Variants in SRGAP1 observed in about 807,000 individuals in gnomAD.
SRGAP1 encodes the protein SLIT-ROBO Rho GTPase activating protein 1, also known as SLIT-ROBO Rho GTPase-activating protein 1.
SRGAP1 carries 43 observed loss-of-function variants against 121.9 expected under a neutral mutation model. The observed-to-expected ratio is 0.35, with a 90% CI of 0.28 to 0.46. The LOEUF (loss-of-function observed/expected upper bound fraction) is 0.46, where lower values mean the gene tolerates loss of function less well. SRGAP1 is among the 20% of genes least tolerant of loss of function. The pLI, the probability that SRGAP1 is intolerant of heterozygous loss-of-function variation, is 1.00. For missense variants in SRGAP1, 1,102 were observed against 1,350.9 expected (o/e 0.82, Z 2.89); for synonymous variants, 447 against 485.4 (o/e 0.92, Z 1.04).
intron 1 of SRGAP1, among the ~76,000 whole-genome samples, chr12:63,958,735 A>C (rs991735808): frequency 3.3e-5 from 5 of 152,186 alleles, no homozygotes; most frequent in Non-Finnish European, 5.9e-5. Flanking sequence ...ACAAAATCCC[A>C]ATGATGAATT....
chr12:64,079,332 A>G (rs1008550116), intron 9 of SRGAP1, among the ~76,000 whole-genome samples: 9 of 152,202 alleles, frequency 5.9e-5, no homozygotes, highest in South Asian at 2.1e-4. Context: ...GAGGACTGGT[A>G]TAAAACAGTA....
chr12:64,007,740 C>T (rs1360009209), intron 3 of SRGAP1, among the ~76,000 whole-genome samples: 2 of 152,140 alleles, frequency 1.3e-5, no homozygotes, highest in African/African-American at 2.4e-5. Context: ...TTTACTTTAT[C>T]CTAAGAAAGA....
At position 64,128,044 on chromosome 12, in the gene SRGAP1, G is replaced by A. The variant is rs2036724727; in HGVS notation, c.2724G>A (p.Glu908=). The change falls in exon 21 of 22, where the codon GAG becomes GAA. Residue 908 remains glutamate (E), a synonymous_variant. Coordinates refer to ENST00000355086, the MANE Select transcript of SRGAP1 (RefSeq NM_020762.4). ...QNRGLNNDSP[E]RRRRPGHGSL... is the part of the protein sequence containing the mutation. ...GTGGCCTCAACAATGACAGTCCTGA[G>A]CGGAGGCGCAGGCCTGGCCATGGCA... 6.2e-7 allele frequency: 1 copy of A among 1,614,158 alleles called. No homozygotes were observed. Among genetic ancestry groups the A allele is most frequent in the Non-Finnish European group, 8.5e-7 (1 of 1,180,032 alleles).
intron 14 of SRGAP1, 83 bp from the exon 15 acceptor site, chr12:64,097,158 C>G (rs2136593882): frequency 7.4e-7 from 1 of 1,348,916 alleles, no homozygotes; most frequent in Non-Finnish European, 1.0e-6. Context: ...GTATATATAG[C>G]AACGTGTATG....
chr12:64,125,463 A>G (rs1335227987), intron 18 of SRGAP1, among the ~76,000 whole-genome samples: 4 of 152,302 alleles, frequency 2.6e-5, no homozygotes, highest in African/African-American at 7.2e-5. Context: ...ATGTATTCAC[A>G]TACTATTTAT....
chr12:64,013,766 T>C (rs945624415), intron 3 of SRGAP1, among the ~76,000 whole-genome samples: 1 of 152,134 alleles, frequency 6.6e-6, no homozygotes, highest in Non-Finnish European at 1.5e-5. Flanking sequence ...AAATGTAACA[T>C]AGGAAGATAG....
intron 21 of SRGAP1, among the ~76,000 whole-genome samples, chr12:64,137,363 C>A (rs947128162): frequency 6.6e-6 from 1 of 151,942 alleles, no homozygotes; most frequent in African/African-American, 2.4e-5. Flanking sequence ...AAAAAAAAAT[C>A]CATATGTTTA....
At chr12:64,109,832 G>A (rs903162196) in intron 16 of SRGAP1, among the ~76,000 whole-genome samples, 1 of 152,024 alleles carries the variant, frequency 6.6e-6, no homozygotes, top group Non-Finnish European at 1.5e-5. Flanking sequence ...CTATTTCATG[G>A]GACATTTGGA....
intron 3 of SRGAP1, among the ~76,000 whole-genome samples, chr12:63,994,897 G>A (rs2033651936): frequency 6.6e-6 from 1 of 152,174 alleles, no homozygotes; most frequent in Admixed American, 6.5e-5. Context: ...ATCTGGTTTG[G>A]TTCTGCAGCC....
chr12:63,990,395 G>A (rs2033521909), intron 3 of SRGAP1, among the ~76,000 whole-genome samples: 1 of 152,142 alleles, frequency 6.6e-6, no homozygotes, highest in Non-Finnish European at 1.5e-5. Flanking sequence ...AGCTGGGCGT[G>A]GTGGCGCTTG....
At chr12:63,936,263 T>C (rs913497095) in intron 1 of SRGAP1, among the ~76,000 whole-genome samples, 6 of 152,190 alleles carry the variant, frequency 3.9e-5, no homozygotes, top group African/African-American at 1.2e-4. Context: ...GAAGAGTAGA[T>C]AATACCATAA....
At chr12:64,046,253 TC>T in intron 6 of SRGAP1, among the ~76,000 whole-genome samples, 1 of 152,170 alleles carries the variant, frequency 6.6e-6, no homozygotes, top group East Asian at 1.9e-4. Flanking sequence ...TCACTTAGCA[TC>T]TTTTGGATAG....
Position 64,140,008 on chromosome 12 carries a change from C to T in SRGAP1, c.2881-2287C>T, listed in dbSNP as rs200320147. 3.1e-4 allele frequency among the ~76,000 whole-genome samples: 47 copies of T among 151,194 alleles called. No individual in the cohort carries two copies. The East Asian group carries it at 4.5e-3, about 14-fold the overall frequency. On this transcript the variant is annotated intron_variant, in intron 21 of 21. Transcript: ENST00000355086. ...ATTTATTAAATAGGGAATCCTTTCC[C>T]CATTGCTTCTTTTTCTCAGGTTTGT...
At chr12:64,042,759 T>C in intron 4 of SRGAP1, 31 bp from the exon 5 acceptor site, 3 of 1,578,342 alleles carry the variant, frequency 1.9e-6, no homozygotes, top group Non-Finnish European at 1.7e-6. Flanking sequence ...CAGACAGACA[T>C]CTTGTAACAA....
In SRGAP1 at chr12:64,160,712, G is replaced by C. The variant is rs1209507723; in HGVS notation, c.*18040G>C. 2 of 152,178 alleles carry C rather than the reference G, an allele frequency of 1.3e-5. No homozygotes were observed. Among genetic ancestry groups the C allele is most frequent in the Admixed American group, 6.5e-5 (1 of 15,268 alleles). The allele number at this position is 152,178 out of a possible 1,614,324, so 9.4% of individuals were successfully genotyped here. On this transcript the variant is annotated 3_prime_UTR_variant, in exon 22 of 22. Transcript: ENST00000355086. ...CTAAACATTCAATATCAGTATGGTA[G>C]GTGAGGAAGATTTTCTCAGAGTGGC... is the stretch of plus-strand genomic sequence containing the variant.
intron 1 of SRGAP1, among the ~76,000 whole-genome samples, chr12:63,972,821 A>T (rs960700368): frequency 6.6e-6 from 1 of 152,150 alleles, no homozygotes; most frequent in Non-Finnish European, 1.5e-5. Flanking sequence ...TTTTTTAAAA[A>T]ATCTGAATTT....
At chr12:64,046,922 A>C (rs1368863656) in intron 6 of SRGAP1, among the ~76,000 whole-genome samples, 1 of 152,170 alleles carries the variant, frequency 6.6e-6, no homozygotes, top group African/African-American at 2.4e-5. Flanking sequence ...AGACTGAAAA[A>C]AAAAACAAAA....
chr12:64,070,110 A>T (rs1444439496), intron 8 of SRGAP1, among the ~76,000 whole-genome samples: 2 of 152,226 alleles, frequency 1.3e-5, no homozygotes, highest in African/African-American at 2.4e-5. Context: ...ATGATCATTT[A>T]TACCTTTCTC....
intron 6 of SRGAP1, among the ~76,000 whole-genome samples, chr12:64,059,388 CT>C (rs964090197): frequency 2.6e-5 from 4 of 151,988 alleles, no homozygotes; most frequent in African/African-American, 4.8e-5. Context: ...TTCCTTCTCT[CT>C]GTCTTTCTCT....
Sources: allele counts gnomAD v4.1 joint callset (sites outside exome capture counted in the v4.1 genomes callset), GRCh38; gene constraint gnomAD v4.1.1; transcripts MANE v1.5; gene names NCBI Gene and HGNC (gene_info 2026-07-23, HGNC 2026-07-21).